FGGY: variants seen among roughly 807,000 people sequenced by gnomAD.
FGGY encodes the protein FGGY carbohydrate kinase domain containing, also known as FGGY carbohydrate kinase domain-containing protein.
A neutral mutation model predicts 71.3 loss-of-function variants in FGGY; 72 were observed. The observed-to-expected ratio is 1.01, with a 90% CI of 0.84 to 1.23. The LOEUF is 1.23. Ranked by LOEUF, FGGY falls within the 50% of genes most tolerant of loss-of-function variation. The pLI is 0.00. For synonymous variants in FGGY, 251 were observed against 250.3 expected (o/e 1.00, Z -0.02); for missense variants, 668 against 682.3 (o/e 0.98, Z 0.23).
intron 8 of FGGY, among the ~76,000 whole-genome samples, chr1:59,589,600 G>T (rs1252823729): frequency 1.3e-5 from 2 of 152,198 alleles, no homozygotes; most frequent in Non-Finnish European, 1.5e-5. Flanking sequence ...TCAGACCACA[G>T]TGCAATCAAA....
At chr1:59,644,071 T>C (rs912761612) in intron 11 of FGGY, among the ~76,000 whole-genome samples, 5 of 152,230 alleles carry the variant, frequency 3.3e-5, no homozygotes, top group Non-Finnish European at 5.9e-5. Context: ...ACCAACCTTG[T>C]GGCTTGTCCT....
In FGGY at chr1:59,456,959, A is replaced by G; in HGVS notation, c.555-2A>G. 6.2e-7 allele frequency: 1 copy of G among 1,607,660 alleles called. No homozygotes were observed. Among genetic ancestry groups the G allele is most frequent in the Non-Finnish European group, 8.5e-7 (1 of 1,174,218 alleles). ...CTATCTATATCTCTTCTATTTTCTT[A>G]GGTCTCTCTGCTCCCTGGTGTGTAA... On this transcript the variant is annotated splice_acceptor_variant, in intron 5 of 15. Coordinates refer to ENST00000303721, the MANE Select transcript of FGGY (RefSeq NM_018291.5). LOFTEE classifies it high-confidence loss of function.
chr1:59,394,395 C>T (rs887435732), intron 5 of FGGY, among the ~76,000 whole-genome samples: 5 of 152,150 alleles, frequency 3.3e-5, no homozygotes, highest in African/African-American at 9.7e-5. Context: ...ATAGTAGACT[C>T]GAGGGTGAGT....
intron 11 of FGGY, among the ~76,000 whole-genome samples, chr1:59,651,377 G>A (rs12075498): frequency 0.065 from 9,596 of 148,032 alleles, 847 homozygotes; most frequent in African/African-American, 0.21. Flanking sequence ...TTATTAATGC[G>A]TGGGAGTCTA....
At chr1:59,585,335 G>A (rs959475900) in intron 8 of FGGY, among the ~76,000 whole-genome samples, 1 of 152,102 alleles carries the variant, frequency 6.6e-6, no homozygotes, top group Non-Finnish European at 1.5e-5. Context: ...CAGACCAATG[G>A]AACAGAACAG....
intron 8 of FGGY, among the ~76,000 whole-genome samples, chr1:59,558,292 A>T (rs147102144): frequency 1.2e-3 from 178 of 152,306 alleles, no homozygotes; most frequent in African/African-American, 4.1e-3. Context: ...CATCAGTATG[A>T]ACTCATATTG....
At chr1:59,472,200 C>T (rs943464964) in intron 6 of FGGY, among the ~76,000 whole-genome samples, 3 of 152,176 alleles carry the variant, frequency 2.0e-5, no homozygotes, top group Admixed American at 1.3e-4. Flanking sequence ...TGGGTGTGGG[C>T]TCGGCGGACC....
intron 7 of FGGY, among the ~76,000 whole-genome samples, chr1:59,525,785 C>A (rs2153655921): frequency 6.6e-6 from 1 of 152,246 alleles, no homozygotes; most frequent in Admixed American, 6.5e-5. Context: ...CCCATTTAAA[C>A]ATATGTATTT....
intron 14 of FGGY, among the ~76,000 whole-genome samples, chr1:59,727,940 T>TTAAA (rs779218525): frequency 6.6e-6 from 1 of 152,192 alleles, no homozygotes; most frequent in Non-Finnish European, 1.5e-5. Context: ...CCTGTCTAAG[T>TTAAA]TAAAAGTGGG....
chr1:59,612,445 C>G (rs1275323745), intron 9 of FGGY, among the ~76,000 whole-genome samples: 2 of 152,140 alleles, frequency 1.3e-5, no homozygotes, highest in Admixed American at 6.5e-5. Context: ...CAAGCAAATA[C>G]TGAGAGATTT....
intron 7 of FGGY, among the ~76,000 whole-genome samples, chr1:59,538,659 C>T (rs1276362077): frequency 2.6e-5 from 4 of 151,688 alleles, no homozygotes; most frequent in Non-Finnish European, 5.9e-5. Flanking sequence ...GAATACTATG[C>T]AGCCATAAAA....
At chr1:59,469,289 G>C (rs1364570606) in intron 6 of FGGY, among the ~76,000 whole-genome samples, 1 of 152,206 alleles carries the variant, frequency 6.6e-6, no homozygotes, top group East Asian at 1.9e-4. Context: ...TTCAGCTCAT[G>C]GTTCTGGAGG....
In FGGY at chr1:59,403,940, C is replaced by T. The variant is rs1255429724; in HGVS notation, c.554+25103C>T. ...AGGGTGGTTGTGAGAACCTGAATAA[C>T]ATCGTAAAGCACTTCAAACAGTGTC... On this transcript the variant is annotated intron_variant, in intron 5 of 15. Coordinates refer to ENST00000303721, the MANE Select transcript of FGGY (RefSeq NM_018291.5). 5.3e-5 allele frequency among the ~76,000 whole-genome samples: 8 copies of T among 152,260 alleles called. No homozygotes were observed. In the East Asian group the frequency reaches 1.5e-3, roughly 29 times the overall value.
Position 59,762,538 on chromosome 1 carries a change from T to G in FGGY, c.1610T>G (p.Leu537Arg), listed in dbSNP as rs1237078869. 1 of 1,613,858 alleles carries G rather than the reference T, an allele frequency of 6.2e-7. No homozygotes were observed. Among genetic ancestry groups the G allele is most frequent in the African/African-American group, 1.3e-5 (1 of 74,932 alleles). ...AAGAAATACCAAGTATTCCTGAAGC[T>G]GGTTGAACACCAGAAGGAGTATTTG... ...YDKKYQVFLK[L>R]VEHQKEYLAI... Residue 537 changes from leucine (L) to arginine (R), a missense_variant, in exon 16 of 16, where the codon CTG (leucine) becomes CGG (arginine). By Grantham distance (102) the Leu-to-Arg change is moderately radical. Coordinates refer to ENST00000303721, the MANE Select transcript of FGGY (RefSeq NM_018291.5).
rs1558713226 is a variant in FGGY at position 59,660,273 on chromosome 1, G to A, written c.1276G>A (p.Ala426Thr). Reference protein sequence around the residue: ...DLDDLAILYLATVQAIALGTR... With the variant: ...DLDDLAILYLTTVQAIALGTR... ...TGATGATCTTGCCATTCTCTACCTG[G>A]CCACAGTTCAAGCCATTGCTGTAAG... The change falls in exon 12 of 16, where the codon GCC becomes ACC. Residue 426 changes from alanine to threonine, a missense_variant. By Grantham distance (58) the Ala-to-Thr change is moderately conservative. Coordinates refer to ENST00000303721, the MANE Select transcript of FGGY (RefSeq NM_018291.5). 4 of 1,612,970 alleles carry A rather than the reference G, an allele frequency of 2.5e-6. No homozygotes were observed. Among genetic ancestry groups the A allele is most frequent in the Admixed American group, 3.3e-5 (2 of 59,992 alleles).
intron 8 of FGGY, among the ~76,000 whole-genome samples, chr1:59,567,890 G>A (rs1304305215): frequency 1.3e-5 from 2 of 149,538 alleles, no homozygotes; most frequent in African/African-American, 2.5e-5. Flanking sequence ...CTAGGCATAC[G>A]AGATCCAGCA....
Position 59,372,925 on chromosome 1 carries a change from T to A in FGGY, c.466-5824T>A, listed in dbSNP as rs544051029. Among the ~76,000 whole-genome samples, 22 of 152,254 alleles carry A rather than the reference T, an allele frequency of 1.4e-4. 1 individual carries two copies. In the South Asian group the frequency reaches 4.6e-3, roughly 32 times the overall value. On this transcript the variant is annotated intron_variant, in intron 4 of 15. Coordinates refer to ENST00000303721, the MANE Select transcript of FGGY (RefSeq NM_018291.5). ...GGACATATCTCAAAATAATAAGAGC[T>A]ATCTATGACAAACCCACAGCTAATA... is the stretch of plus-strand genomic sequence containing the variant.
chr1:59,670,641 T>A (rs982582569), intron 13 of FGGY, among the ~76,000 whole-genome samples: 1 of 151,950 alleles, frequency 6.6e-6, no homozygotes, highest in African/African-American at 2.4e-5. Context: ...CTAGTCCAAG[T>A]AGGTGATCAG....
chr1:59,577,677 T>C (rs1046242235), intron 8 of FGGY, among the ~76,000 whole-genome samples: 9 of 152,174 alleles, frequency 5.9e-5, no homozygotes, highest in African/African-American at 1.4e-4. Flanking sequence ...GTTAGTAGTT[T>C]TAAATACTTT....
Sources: gnomAD v4.1 joint callset for allele counts (sites outside exome capture counted in the v4.1 genomes callset) on GRCh38, gnomAD v4.1.1 for gene constraint, MANE v1.5 for transcripts, NCBI Gene and HGNC (gene_info 2026-07-23, HGNC 2026-07-21) for gene names.